SLX4IP: variants seen among roughly 807,000 people sequenced by gnomAD.
The protein encoded by SLX4IP is protein SLX4IP.
Under a neutral mutation model 32.9 loss-of-function variants are expected in SLX4IP, and 34 were observed. The observed-to-expected ratio is 1.03, with a 90% CI of 0.79 to 1.38. SLX4IP has a LOEUF of 1.38. Ranked by LOEUF, SLX4IP falls within the 40% of genes most tolerant of loss-of-function variation. The pLI, the probability that SLX4IP is intolerant of heterozygous loss-of-function variation, is 0.00. For synonymous variants in SLX4IP, 172 were observed against 171.7 expected (o/e 1.00, Z -0.01); for missense variants, 444 against 479.0 (o/e 0.93, Z 0.68).
chr20:10,584,126 G>GT (rs1356263526), intron 4 of SLX4IP, among the ~76,000 whole-genome samples: 1 of 151,828 alleles, frequency 6.6e-6, no homozygotes, highest in Admixed American at 6.6e-5. Flanking sequence ...TACATGGTGG[G>GT]TTTTTTTTCC....
intron 2 of SLX4IP, 81 bp downstream of exon 2, chr20:10,458,312 G>T: frequency 1.4e-6 from 2 of 1,380,336 alleles, no homozygotes; most frequent in South Asian, 1.4e-5. Flanking sequence ...TGAAAATCGA[G>T]GTTCCTAACT....
intron 2 of SLX4IP, among the ~76,000 whole-genome samples, chr20:10,487,366 A>G (rs558740319): frequency 6.6e-6 from 1 of 152,322 alleles, no homozygotes; most frequent in East Asian, 1.9e-4. Flanking sequence ...TTTTTAATAC[A>G]GTTCTTTGGA....
intron 2 of SLX4IP, among the ~76,000 whole-genome samples, chr20:10,472,376 G>A (rs561685621): frequency 9.9e-5 from 15 of 151,962 alleles, no homozygotes; most frequent in Admixed American, 3.3e-4. Context: ...GACTACAGTC[G>A]CCTGCCACCA....
intron 2 of SLX4IP, among the ~76,000 whole-genome samples, chr20:10,491,369 T>A (rs634139): frequency 0.39 from 59,432 of 151,954 alleles, 11,843 homozygotes; most frequent in Non-Finnish European, 0.43. Context: ...AGCCAAGTAA[T>A]CATATTCATG....
intron 2 of SLX4IP, among the ~76,000 whole-genome samples, chr20:10,465,686 A>G (rs1254393192): frequency 2.6e-5 from 4 of 152,172 alleles, no homozygotes; most frequent in Non-Finnish European, 5.9e-5. Flanking sequence ...TTGTATTTTT[A>G]GTAGAGATGA....
intron 4 of SLX4IP, among the ~76,000 whole-genome samples, chr20:10,569,568 C>T (rs2066437879): frequency 6.6e-6 from 1 of 152,090 alleles, no homozygotes; most frequent in Non-Finnish European, 1.5e-5. Context: ...TTTATTTGTT[C>T]TCAAAGTCTA....
At chr20:10,618,633 C>T (rs2067066988) in intron 6 of SLX4IP, among the ~76,000 whole-genome samples, 1 of 152,132 alleles carries the variant, frequency 6.6e-6, no homozygotes, top group African/African-American at 2.4e-5. Context: ...TTTGGATGGC[C>T]AGCTCTTTGG....
Position 10,458,122 on chromosome 20 carries a change from C to A in SLX4IP, c.-29-54C>A, listed in dbSNP as rs1217180688. 7.8e-6 allele frequency: 9 copies of A among 1,156,436 alleles called. No individual in the cohort carries two copies. The African/African-American group carries it at 1.1e-4, about 14-fold the overall frequency. 71.6% of individuals were successfully genotyped at this position (1,156,436 alleles called of 1,614,324 possible). A position where few individuals can be genotyped will look rare whatever the true frequency, so the allele number is the denominator to read the frequency against. On this transcript the variant is annotated intron_variant, in intron 1 of 7. Transcript: ENST00000334534. ...AGCCCATCTTTTTCCTGTATAATAT[C>A]CAAATAAAAAGAAATTTTAATATAC...
At chr20:10,445,621 A>G (rs1210184055) in intron 1 of SLX4IP, among the ~76,000 whole-genome samples, 1 of 131,832 alleles carries the variant, frequency 7.6e-6, no homozygotes, top group African/African-American at 2.9e-5. Flanking sequence ...AGCCGATGAG[A>G]TTGCCCTTTT....
chr20:10,497,660 A>G (rs1275203962), intron 2 of SLX4IP, among the ~76,000 whole-genome samples: 2 of 151,642 alleles, frequency 1.3e-5, no homozygotes, highest in Admixed American at 6.6e-5. Flanking sequence ...TGATGTTTTT[A>G]TTTCTTTAAA....
At chr20:10,562,840 T>C (rs1348241707) in intron 4 of SLX4IP, among the ~76,000 whole-genome samples, 1 of 152,232 alleles carries the variant, frequency 6.6e-6, no homozygotes, top group Non-Finnish European at 1.5e-5. Flanking sequence ...ATTGATTCCG[T>C]TATCTTAGCT....
At chr20:10,525,787 G>T (rs1362288513) in intron 2 of SLX4IP, among the ~76,000 whole-genome samples, 1 of 152,218 alleles carries the variant, frequency 6.6e-6, no homozygotes, top group Non-Finnish European at 1.5e-5. Context: ...TCAAGGCTCA[G>T]CGCACAGACG....
At chr20:10,538,009 G>T (rs978809848) in intron 2 of SLX4IP, among the ~76,000 whole-genome samples, 3 of 152,160 alleles carry the variant, frequency 2.0e-5, no homozygotes, top group Admixed American at 6.5e-5. Context: ...CTGGCCAGGT[G>T]ATGAATCATG....
At chr20:10,478,601 T>G (rs907009746) in intron 2 of SLX4IP, among the ~76,000 whole-genome samples, 1 of 152,238 alleles carries the variant, frequency 6.6e-6, no homozygotes, top group Non-Finnish European at 1.5e-5. Flanking sequence ...ATTAACTATA[T>G]TACATTTACT....
At chr20:10,601,699 C>G in intron 5 of SLX4IP, 32 bp from the exon 6 acceptor site, 2 of 1,581,254 alleles carry the variant, frequency 1.3e-6, no homozygotes, top group East Asian at 4.5e-5. Context: ...TTTTTTGACA[C>G]CTTTAAACTT....
intron 2 of SLX4IP, among the ~76,000 whole-genome samples, chr20:10,478,731 T>C (rs545023150): frequency 2.0e-5 from 3 of 152,252 alleles, no homozygotes; most frequent in Non-Finnish European, 4.4e-5. Flanking sequence ...AAAAAATCCT[T>C]TAGGAAAACA....
At chr20:10,552,011 G>A (rs572374057) in intron 2 of SLX4IP, among the ~76,000 whole-genome samples, 4 of 152,316 alleles carry the variant, frequency 2.6e-5, no homozygotes, top group African/African-American at 9.6e-5. Flanking sequence ...AAGTGTGTGT[G>A]AGAACGCTCT....
intron 1 of SLX4IP, among the ~76,000 whole-genome samples, chr20:10,438,403 A>G (rs573045768): frequency 4.9e-5 from 7 of 143,216 alleles, no homozygotes; most frequent in African/African-American, 1.8e-4. Context: ...CCCTCCAGCC[A>G]CTCCTCTTCC....
At chr20:10,535,479 G>A (rs2122470699) in intron 2 of SLX4IP, among the ~76,000 whole-genome samples, 1 of 152,208 alleles carries the variant, frequency 6.6e-6, no homozygotes, top group South Asian at 2.1e-4. Context: ...GTGCCACCAT[G>A]CCCAGCTAAT....
Sources: gnomAD v4.1 joint callset for allele counts (sites outside exome capture counted in the v4.1 genomes callset) on GRCh38, gnomAD v4.1.1 for gene constraint, MANE v1.5 for transcripts, NCBI Gene and HGNC (gene_info 2026-07-23, HGNC 2026-07-21) for gene names.